ASPRV1: variants seen among roughly 807,000 people sequenced by gnomAD.
The protein encoded by ASPRV1 is aspartic peptidase retroviral like 1.
Under a neutral mutation model 11.0 loss-of-function variants are expected in ASPRV1, and 7 were observed. That is an observed-to-expected ratio of 0.64 (90% CI 0.36 to 1.20). The LOEUF (loss-of-function observed/expected upper bound fraction) is 1.20, where lower values mean the gene tolerates loss of function less well. Ranked by LOEUF, ASPRV1 falls within the 50% of genes most tolerant of loss-of-function variation. The probability of loss-of-function intolerance (pLI) is 0.02; values close to 1 mark genes in which losing one functional copy is unlikely to be tolerated. For missense variants in ASPRV1, 299 were observed against 320.0 expected (o/e 0.93, Z 0.50); for synonymous variants, 136 against 138.4 (o/e 0.98, Z 0.12).
chr2:69,987,587 A>G, the ASPRV1 span, among the ~76,000 whole-genome samples: 1 of 149,718 alleles, frequency 6.7e-6, no homozygotes, highest in African/African-American at 2.5e-5. Context: ...CTCTACAAAA[A>G]AAAAAAAAAA....
chr2:69,932,979 G>T, the ASPRV1 span, among the ~76,000 whole-genome samples: 3 of 152,064 alleles, frequency 2.0e-5, no homozygotes, highest in South Asian at 6.2e-4. Flanking sequence ...CAGGCAGATT[G>T]CTTGAGGTCA....
the ASPRV1 span, among the ~76,000 whole-genome samples, chr2:70,072,350 C>G: frequency 1.3e-5 from 2 of 151,984 alleles, no homozygotes; most frequent in African/African-American, 4.8e-5. Flanking sequence ...CCCAGGAGTT[C>G]AAGGCTACAG....
chr2:70,031,899 T>C, the ASPRV1 span: 1 of 152,176 alleles, frequency 6.6e-6, no homozygotes, highest in African/African-American at 2.4e-5. Flanking sequence ...CTCAGCAGCA[T>C]AAGGCTTACA....
the ASPRV1 span, among the ~76,000 whole-genome samples, chr2:70,055,114 C>CCAA: frequency 6.6e-6 from 1 of 152,034 alleles, no homozygotes; most frequent in African/African-American, 2.4e-5. Context: ...ACCAGTCTGG[C>CCAA]CAACGTGGTG....
the ASPRV1 span, chr2:69,937,125 G>A: frequency 7.2e-7 from 1 of 1,396,438 alleles, no homozygotes; most frequent in African/African-American, 1.4e-5. Context: ...GGCACCGAAA[G>A]GCGTCTGAGG....
the ASPRV1 span, among the ~76,000 whole-genome samples, chr2:69,952,022 C>T: frequency 6.6e-6 from 1 of 152,160 alleles, no homozygotes; most frequent in Admixed American, 6.5e-5. Flanking sequence ...TAGATTAAAA[C>T]AACCTAAATT....
At chr2:70,025,566 G>C in the ASPRV1 span, among the ~76,000 whole-genome samples, 1 of 152,160 alleles carries the variant, frequency 6.6e-6, no homozygotes, top group Non-Finnish European at 1.5e-5. Flanking sequence ...CAGAGAGTTG[G>C]GTTTATGTAG....
At chr2:70,062,215 G>A in the ASPRV1 span, among the ~76,000 whole-genome samples, 1 of 151,946 alleles carries the variant, frequency 6.6e-6, no homozygotes, top group African/African-American at 2.4e-5. Flanking sequence ...TGAGGCAGGA[G>A]AACTGCTTGA....
chr2:69,951,265 A>T, the ASPRV1 span, among the ~76,000 whole-genome samples: 777 of 151,784 alleles, frequency 5.1e-3, 6 homozygotes, highest in African/African-American at 0.018. Flanking sequence ...CTCTACTAAA[A>T]ATACAAAAAT....
At chr2:70,082,512 G>T in the ASPRV1 span, among the ~76,000 whole-genome samples, 1 of 151,336 alleles carries the variant, frequency 6.6e-6, no homozygotes, top group South Asian at 2.1e-4. Context: ...GGAGTTCGAG[G>T]CCAGCCTGAC....
At chr2:70,065,113 A>G in the ASPRV1 span, among the ~76,000 whole-genome samples, 2 of 150,916 alleles carry the variant, frequency 1.3e-5, no homozygotes, top group Non-Finnish European at 3.0e-5. Context: ...ACAAAACAAA[A>G]CAAAAAAAAG....
At chr2:70,063,367 A>T in the ASPRV1 span, among the ~76,000 whole-genome samples, 2 of 152,180 alleles carry the variant, frequency 1.3e-5, no homozygotes, top group South Asian at 2.1e-4. Context: ...CCTCACTGAC[A>T]GAGTCCCGTA....
At chr2:70,039,853 C>T in the ASPRV1 span, among the ~76,000 whole-genome samples, 1 of 152,204 alleles carries the variant, frequency 6.6e-6, no homozygotes, top group East Asian at 1.9e-4. Flanking sequence ...AAACATCTTA[C>T]ATTACAACCG....
the ASPRV1 span, among the ~76,000 whole-genome samples, chr2:69,974,057 G>A: frequency 1.3e-5 from 2 of 152,206 alleles, no homozygotes; most frequent in Admixed American, 1.3e-4. Flanking sequence ...TAAAATTATT[G>A]CCAGGCATGG....
At chr2:70,078,326 A>G in the ASPRV1 span, among the ~76,000 whole-genome samples, 4 of 152,180 alleles carry the variant, frequency 2.6e-5, no homozygotes, top group Non-Finnish European at 5.9e-5. Context: ...CTAGAACACA[A>G]TGCCTGGCAC....
chr2:69,983,769 C>CT, the ASPRV1 span, among the ~76,000 whole-genome samples: 2 of 152,166 alleles, frequency 1.3e-5, no homozygotes, highest in Admixed American at 6.5e-5. Flanking sequence ...GCAACTTCTG[C>CT]TTCCCTTATT....
chr2:70,007,553 A>G, the ASPRV1 span, among the ~76,000 whole-genome samples: 1 of 151,890 alleles, frequency 6.6e-6, no homozygotes, highest in Non-Finnish European at 1.5e-5. Flanking sequence ...TTAAATAAGT[A>G]GAGCGTATTT....
the ASPRV1 span, among the ~76,000 whole-genome samples, chr2:70,074,301 T>C: frequency 6.6e-6 from 1 of 151,292 alleles, no homozygotes; most frequent in Non-Finnish European, 1.5e-5. Context: ...CTGCTTTTTT[T>C]TTTTGGAGAC....
chr2:70,054,600 A>AAAT, the ASPRV1 span, among the ~76,000 whole-genome samples: 1 of 151,704 alleles, frequency 6.6e-6, no homozygotes, highest in South Asian at 2.1e-4. Flanking sequence ...ATAAATAAAT[A>AAAT]AATAATAAAA....
Sources: allele counts gnomAD v4.1 joint callset (sites outside exome capture counted in the v4.1 genomes callset), GRCh38; gene constraint gnomAD v4.1.1; transcripts MANE v1.5; gene names NCBI Gene and HGNC (gene_info 2026-07-23, HGNC 2026-07-21).